PCDHGC4: variants seen among roughly 807,000 people sequenced by gnomAD.
PCDHGC4 encodes protocadherin gamma subfamily C, 4.
Under a neutral mutation model 59.7 loss-of-function variants are expected in PCDHGC4, and 15 were observed. The ratio of observed to expected loss-of-function variants is 0.25; its 90% CI spans 0.17 to 0.39. The LOEUF (loss-of-function observed/expected upper bound fraction) is 0.39, where lower values mean the gene tolerates loss of function less well. PCDHGC4 is among the 10% of genes least tolerant of loss of function. The pLI is 1.00. For missense variants in PCDHGC4, 1,016 were observed against 1,189.5 expected, an observed-to-expected ratio of 0.85 and a Z score of 2.15; for synonymous variants, 434 against 481.4, an observed-to-expected ratio of 0.90 and a Z score of 1.29.
rs1028782991 is a variant in PCDHGC4, at chr5:141,503,926, C to T, written c.2502-1467C>T. 2.6e-5 allele frequency among the ~76,000 whole-genome samples: 4 copies of T among 152,196 alleles called. No individual in the cohort carries two copies. The East Asian group carries it at 7.7e-4, about 29-fold the overall frequency. ...ACACACAACGCAACACACACACAGA[C>T]ATTTTCATGCCTTCAAGGCCTACCC... On this transcript the variant is annotated intron_variant, in intron 2 of 3. Coordinates refer to ENST00000306593, the MANE Select transcript of PCDHGC4 (RefSeq NM_018928.3).
Position 141,491,620 on chromosome 5 carries a change from A to C in PCDHGC4, c.2443-3187A>C. On this transcript the variant is annotated intron_variant, in intron 1 of 3. Coordinates refer to ENST00000306593, the MANE Select transcript of PCDHGC4 (RefSeq NM_018928.3). This position sits in a 1 kb window ranked among gnomAD's most constrained non-coding sequence, Gnocchi z 6.9. ...TGACTTCACTTTTCTAAGACCCCTC[A>C]GCGTTCAGCAGCCCACAGCTCTGGC... is the stretch of plus-strand genomic sequence containing the variant. 6.2e-7 allele frequency: 1 copy of C among 1,613,906 alleles called. No individual in the cohort carries two copies. The highest frequency in any genetic ancestry group is 1.1e-5 in the South Asian group (1 of 91,084).
chr5:141,493,346 C>T lies in PCDHGC4; in HGVS notation c.2443-1461C>T, dbSNP rs766845200. Among the ~76,000 whole-genome samples, 5 of 152,172 alleles carry T rather than the reference C, an allele frequency of 3.3e-5. No individual in the cohort carries two copies. Among genetic ancestry groups the T allele is most frequent in the Non-Finnish European group, 7.3e-5 (5 of 68,028 alleles). On this transcript the variant is annotated intron_variant, in intron 1 of 3. Coordinates refer to ENST00000306593, the MANE Select transcript of PCDHGC4 (RefSeq NM_018928.3). The surrounding 1 kb of genome is among the most constrained non-coding windows in gnomAD (Gnocchi z 4.3). Reference sequence around the variant, plus strand: ...CCCCTGTCTAACTCCAGAATGTGTGCTTTTAATTTCTTGGCACTTGGAACT... The same window carrying T: ...CCCCTGTCTAACTCCAGAATGTGTGTTTTTAATTTCTTGGCACTTGGAACT...
At position 141,485,682 on chromosome 5, in the gene PCDHGC4, A is replaced by T. The variant is rs779441999; in HGVS notation, c.509A>T (p.Tyr170Phe). 6.2e-7 allele frequency: 1 copy of T among 1,613,958 alleles called. No individual in the cohort carries two copies. Among genetic ancestry groups the T allele is most frequent in the Non-Finnish European group, 8.5e-7 (1 of 1,179,972 alleles). The change falls in exon 1 of 4, where the codon TAT (tyrosine) becomes TTT (phenylalanine). Residue 170 changes from tyrosine to phenylalanine, a missense_variant. Transcript: ENST00000306593. This position sits in a 1 kb window ranked among gnomAD's most constrained non-coding sequence, Gnocchi z 5.7. ...GTGGGGAGCAATTCGATTAGCAGCT[A>T]TAGGCTGAGCTCCAATGAACACTTT... ...ADVGSNSISS[Y>F]RLSSNEHFAL...
At chr5:141,505,552 T>C (rs920594597) in intron 3 of PCDHGC4, 71 bp downstream of exon 3, 8 of 1,608,230 alleles carry the variant, frequency 5.0e-6, no homozygotes, top group Non-Finnish European at 6.8e-6. Context: ...ACAGCCACCA[T>C]GCCCACGGAC....
chr5:141,492,619 G>A lies in PCDHGC4; in HGVS notation c.2443-2188G>A, dbSNP rs778698501. ...GCGACTGCCGCTCTAAGTGCCGGGC[G>A]GGCAGGACTCTACGATCCTTGGGCC... On this transcript the variant is annotated intron_variant, in intron 1 of 3. Coordinates refer to ENST00000306593, the MANE Select transcript of PCDHGC4 (RefSeq NM_018928.3). 7.8e-4 allele frequency among the ~76,000 whole-genome samples: 118 copies of A among 152,234 alleles called. 1 individual carries two copies. The highest frequency in any genetic ancestry group is 3.3e-3 in the Admixed American group (51 of 15,282).
rs2099624499 is a variant in PCDHGC4, at chr5:141,486,100, C to A, written c.927C>A (p.Asp309Glu). The A allele has an allele frequency of 6.2e-7, 1 of 1,614,072 alleles. No homozygotes were observed. The highest frequency in any genetic ancestry group is 1.3e-5 in the African/African-American group (1 of 74,930). ...AGCTTACTCTTTTGGGGCCCCTAGA[C>A]TTTGAGAGTGAGAATTACTATGAAT... The part of the protein sequence containing the change: ...TGKLTLLGPL[D>E]FESENYYEFD... Residue 309 changes from aspartate (D) to glutamate (E), a missense_variant, in exon 1 of 4, where the codon GAC becomes GAA. By Grantham distance (45) the Asp-to-Glu change is conservative. Coordinates refer to ENST00000306593, the MANE Select transcript of PCDHGC4 (RefSeq NM_018928.3). This position sits in a 1 kb window ranked among gnomAD's most constrained non-coding sequence, Gnocchi z 5.0.
chr5:141,491,956 A>G lies in PCDHGC4; in HGVS notation c.2443-2851A>G, dbSNP rs2099735623. 1.9e-6 allele frequency: 2 copies of G among 1,035,704 alleles called. No homozygotes were observed. Among genetic ancestry groups the G allele is most frequent in the Non-Finnish European group, 2.7e-6 (2 of 749,368 alleles). The allele number at this position is 1,035,704 out of a possible 1,614,324, so 64.2% of individuals were successfully genotyped here. A position where few individuals can be genotyped will look rare whatever the true frequency, so the allele number is the denominator to read the frequency against. On this transcript the variant is annotated intron_variant, in intron 1 of 3. Transcript: ENST00000306593. This position sits in a 1 kb window ranked among gnomAD's most constrained non-coding sequence, Gnocchi z 6.9. Reference sequence around the variant, plus strand: ...GGACCGACCCCCACCCCTACACTCAAAAAAGGCCGGGGCCTCCTTCGAGCT... The same window carrying G: ...GGACCGACCCCCACCCCTACACTCAGAAAAGGCCGGGGCCTCCTTCGAGCT...
chr5:141,489,112 A>C lies in PCDHGC4; in HGVS notation c.2442+1497A>C. 3 of 412,420 alleles carry C rather than the reference A, an allele frequency of 7.3e-6. No individual in the cohort carries two copies. Among genetic ancestry groups the C allele is most frequent in the South Asian group, 4.2e-5 (1 of 23,838 alleles). The allele number at this position is 412,420 out of a possible 1,614,324, so 25.5% of individuals were successfully genotyped here. ...TGACTAAGAACTGCTGCAAGCAGGC[A>C]AACCTCCGAGCAGTTTTTAAGAGGC... is the stretch of plus-strand genomic sequence containing the variant. On this transcript the variant is annotated intron_variant, in intron 1 of 3. Coordinates refer to ENST00000306593, the MANE Select transcript of PCDHGC4 (RefSeq NM_018928.3). The surrounding 1 kb of genome is among the most constrained non-coding windows in gnomAD (Gnocchi z 4.5).
rs1405589878 is a variant in PCDHGC4 at position 141,504,323 on chromosome 5, T to A, written c.2502-1070T>A. On this transcript the variant is annotated intron_variant, in intron 2 of 3. Transcript: ENST00000306593. ...CACTCGGAGTTTCTAAAAGTCTCAC[T>A]TAGGTCCAAGTGCTAGGCTTTGTGC... Among the ~76,000 whole-genome samples, 4 of 152,114 alleles carry A rather than the reference T, an allele frequency of 2.6e-5. No individual in the cohort carries two copies. In the East Asian group the frequency reaches 7.7e-4, roughly 29 times the overall value.
In PCDHGC4 at chr5:141,487,869, G is replaced by T; in HGVS notation, c.2442+254G>T. On this transcript the variant is annotated intron_variant, in intron 1 of 3. Transcript: ENST00000306593. This position sits in a 1 kb window ranked among gnomAD's most constrained non-coding sequence, Gnocchi z 5.0. ...AAATGAAAGTAATTGGTGATCAAGA[G>T]CCAGGCTGTTGTGGAAGCATGATGA... 1.1e-6 allele frequency: 1 copy of T among 871,620 alleles called. No individual in the cohort carries two copies. The highest frequency in any genetic ancestry group is 1.7e-6 in the Non-Finnish European group (1 of 574,346). The allele number at this position is 871,620 out of a possible 1,614,324, so 54.0% of individuals were successfully genotyped here. A position where few individuals can be genotyped will look rare whatever the true frequency, so the allele number is the denominator to read the frequency against.
chr5:141,486,091 G>A lies in PCDHGC4; in HGVS notation c.918G>A (p.Gly306=), dbSNP rs2099624256. The change falls in exon 1 of 4, where the codon GGG becomes GGA. Residue 306 remains glycine (G), a synonymous_variant. Coordinates refer to ENST00000306593, the MANE Select transcript of PCDHGC4 (RefSeq NM_018928.3). This position sits in a 1 kb window ranked among gnomAD's most constrained non-coding sequence, Gnocchi z 5.0. The part of the protein sequence containing the change: ...HPTTGKLTLL[G]PLDFESENYY... ...CTACTGGAAAGCTTACTCTTTTGGGGCCCCTAGACTTTGAGAGTGAGAATT... is the reference window on the plus strand; with the variant it reads ...CTACTGGAAAGCTTACTCTTTTGGGACCCCTAGACTTTGAGAGTGAGAATT... 2 of 1,614,158 alleles carry A rather than the reference G, an allele frequency of 1.2e-6. No homozygotes were observed. Among genetic ancestry groups the A allele is most frequent in the Non-Finnish European group, 1.7e-6 (2 of 1,180,024 alleles).
In PCDHGC4 at chr5:141,493,145, AG is replaced by A. The variant is rs11350413; in HGVS notation, c.2443-1660del. Among the ~76,000 whole-genome samples the A allele has an allele frequency of 0.17, 26,475 of 152,128 alleles. 2,528 individuals carry two copies. The highest frequency in any genetic ancestry group is 0.28 in the Admixed American group (4,206 of 15,272). ...TAGGACTGTATTTTGAAACACCCCC[AG>A]GTGATTTTGATAGCTGATTGAGAGA... is the stretch of plus-strand genomic sequence containing the variant. On this transcript the variant is annotated intron_variant, in intron 1 of 3. Transcript: ENST00000306593. The surrounding 1 kb of genome is among the most constrained non-coding windows in gnomAD (Gnocchi z 4.3).
rs1562144438 is a variant in PCDHGC4, at chr5:141,491,135, G to A, written c.2442+3520G>A. On this transcript the variant is annotated intron_variant, in intron 1 of 3. Transcript: ENST00000306593. The surrounding 1 kb of genome is among the most constrained non-coding windows in gnomAD (Gnocchi z 6.9). Reference sequence around the variant, plus strand: ...CACACTGGTGAGGTGCGCACAGCCCGGGCCTTACTGGAGGATGACTCTGAC... The same window carrying A: ...CACACTGGTGAGGTGCGCACAGCCCAGGCCTTACTGGAGGATGACTCTGAC... 4 of 1,614,104 alleles carry A rather than the reference G, an allele frequency of 2.5e-6. No homozygotes were observed. The highest frequency in any genetic ancestry group is 1.3e-5 in the African/African-American group (1 of 75,034).
chr5:141,501,852 A>G (rs922276780), intron 2 of PCDHGC4, among the ~76,000 whole-genome samples: 2 of 151,924 alleles, frequency 1.3e-5, no homozygotes, highest in African/African-American at 4.8e-5. Context: ...TCAACCTTCA[A>G]CCATTTCCCA....
rs778744503 is a variant in PCDHGC4, at chr5:141,511,152, G to C, written c.2796G>C (p.Ser932=). 2 of 1,614,140 alleles carry C rather than the reference G, an allele frequency of 1.2e-6. No individual in the cohort carries two copies. Among genetic ancestry groups the C allele is most frequent in the South Asian group, 2.2e-5 (2 of 91,086 alleles). The change falls in exon 4 of 4, where the codon TCG becomes TCC. Residue 932 remains serine, a synonymous_variant. Coordinates refer to ENST00000306593, the MANE Select transcript of PCDHGC4 (RefSeq NM_018928.3). ...PAGGNGNKKK[S]GKKEKK ...GTGGCAATGGCAACAAGAAGAAGTC[G>C]GGCAAGAAGGAGAAGAAGTAACATG...
At chr5:141,507,810 G>C (rs550331241) in intron 3 of PCDHGC4, among the ~76,000 whole-genome samples, 5 of 152,172 alleles carry the variant, frequency 3.3e-5, no homozygotes, top group Non-Finnish European at 2.9e-5. Context: ...CCTGGGGAAC[G>C]GACCCTGGGG....
Position 141,489,101 on chromosome 5 carries a change from T to C in PCDHGC4, c.2442+1486T>C. The C allele has an allele frequency of 2.5e-6, 1 of 398,412 alleles. No homozygotes were observed. The highest frequency in any genetic ancestry group is 4.3e-5 in the South Asian group (1 of 23,096). The allele number at this position is 398,412 out of a possible 1,614,324, so 24.7% of individuals were successfully genotyped here. A position where few individuals can be genotyped will look rare whatever the true frequency, so the allele number is the denominator to read the frequency against. ...CCGCCACTCGGTGACTAAGAACTGC[T>C]GCAAGCAGGCAAACCTCCGAGCAGT... On this transcript the variant is annotated intron_variant, in intron 1 of 3. Coordinates refer to ENST00000306593, the MANE Select transcript of PCDHGC4 (RefSeq NM_018928.3). The surrounding 1 kb of genome is among the most constrained non-coding windows in gnomAD (Gnocchi z 4.5).
Position 141,489,992 on chromosome 5 carries a change from TC to T in PCDHGC4, c.2442+2380del. The T allele has an allele frequency of 6.2e-7, 1 of 1,614,216 alleles. No individual in the cohort carries two copies. The highest frequency in any genetic ancestry group is 8.5e-7 in the Non-Finnish European group (1 of 1,180,016). On this transcript the variant is annotated intron_variant, in intron 1 of 3. Coordinates refer to ENST00000306593, the MANE Select transcript of PCDHGC4 (RefSeq NM_018928.3). The surrounding 1 kb of genome is among the most constrained non-coding windows in gnomAD (Gnocchi z 4.5). The stretch of plus-strand genomic sequence containing the variant: ...CAATCCTCAGTTCTACGTGTGGGAA[TC>T]CCAGAGAATGCACCCATTGGTACTC...
At chr5:141,494,305 C>T (rs544773836) in intron 1 of PCDHGC4, among the ~76,000 whole-genome samples, 1 of 152,346 alleles carries the variant, frequency 6.6e-6, no homozygotes, top group East Asian at 1.9e-4. Context: ...GAATGTGTCA[C>T]TGCACAACCT....
Sources: allele counts gnomAD v4.1 joint callset (sites outside exome capture counted in the v4.1 genomes callset), GRCh38; gene constraint gnomAD v4.1.1; non-coding constraint Gnocchi (gnomAD v3.1); transcripts MANE v1.5; gene names NCBI Gene and HGNC (gene_info 2026-07-23, HGNC 2026-07-21).